The following LRRC69 variants were observed in gnomAD, a reference collection of about 807,000 sequenced individuals.
LRRC69 encodes the protein leucine rich repeat containing 69.
In LRRC69, 42 loss-of-function variants were observed where a neutral mutation model predicts 37.8. The ratio of observed to expected loss-of-function variants is 1.11; its 90% CI spans 0.87 to 1.44. LRRC69 has a LOEUF of 1.44. Among genes scored for constraint, LRRC69 ranks in the 40% most tolerant of loss-of-function variants. LRRC69 has a pLI of 0.00. For synonymous variants in LRRC69, 141 were observed against 143.1 expected (o/e 0.99, Z 0.11); for missense variants, 357 against 401.9 (o/e 0.89, Z 0.96).
chr8:91,148,910 A>C (rs569072326), intron 5 of LRRC69, among the ~76,000 whole-genome samples: 1 of 151,672 alleles, frequency 6.6e-6, no homozygotes, highest in South Asian at 2.1e-4. Context: ...CATATCGTTC[A>C]CCCACTTTTT....
intron 1 of LRRC69, among the ~76,000 whole-genome samples, chr8:91,105,882 G>T (rs1813303890): frequency 6.6e-6 from 1 of 151,920 alleles, no homozygotes; most frequent in African/African-American, 2.4e-5. Context: ...ACTCAGAACT[G>T]GTGATTCAGT....
intron 5 of LRRC69, among the ~76,000 whole-genome samples, chr8:91,186,104 A>T (rs527621898): frequency 9.2e-5 from 14 of 152,278 alleles, no homozygotes; most frequent in Admixed American, 2.6e-4. Flanking sequence ...GCCTTCGCAA[A>T]TCTTGAGTGC....
In LRRC69 at chr8:91,206,417, T is replaced by G. The variant is rs146986670; in HGVS notation, c.933+5625T>G. Among the ~76,000 whole-genome samples the G allele has an allele frequency of 2.5e-3, 378 of 152,330 alleles. 1 individual carries two copies. Among genetic ancestry groups the G allele is most frequent in the Non-Finnish European group, 3.5e-3 (239 of 68,024 alleles). ...GGAAAATGAGGATAGAAATGTATGT[T>G]GGTCCTCAAGATGGGAGTAAATATG... On this transcript the variant is annotated intron_variant, in intron 7 of 7. Coordinates refer to ENST00000448384, the Ensembl canonical transcript of LRRC69.
intron 5 of LRRC69, among the ~76,000 whole-genome samples, chr8:91,185,351 C>G (rs924989421): frequency 1.5e-5 from 2 of 134,188 alleles, no homozygotes; most frequent in African/African-American, 5.5e-5. Flanking sequence ...GTCTGTCTCT[C>G]TCTCTCTCTA....
chr8:91,158,262 T>C, intron 5 of LRRC69: 1 of 1,551,064 alleles, frequency 6.4e-7, no homozygotes, highest in Non-Finnish European at 8.9e-7. Flanking sequence ...ATTGGCCCCC[T>C]GATTGTTTGT....
chr8:91,155,681 C>G (rs1336924818), intron 5 of LRRC69, among the ~76,000 whole-genome samples: 1 of 150,742 alleles, frequency 6.6e-6, no homozygotes, highest in Non-Finnish European at 1.5e-5. Context: ...CTATTCTACT[C>G]TCTACTTCTA....
chr8:91,173,241 C>T (rs1387412831), intron 5 of LRRC69, among the ~76,000 whole-genome samples: 1 of 151,844 alleles, frequency 6.6e-6, no homozygotes, highest in Admixed American at 6.6e-5. Flanking sequence ...GTCTATTGTT[C>T]CCTGATCCCA....
chr8:91,116,951 C>T (rs1477204354), intron 1 of LRRC69, among the ~76,000 whole-genome samples: 1 of 152,066 alleles, frequency 6.6e-6, no homozygotes, highest in Non-Finnish European at 1.5e-5. Context: ...CATTGAGATG[C>T]TTGCCTCATA....
intron 5 of LRRC69, among the ~76,000 whole-genome samples, chr8:91,159,737 G>T (rs1197623875): frequency 6.6e-6 from 1 of 151,124 alleles, no homozygotes; most frequent in Admixed American, 6.6e-5. Flanking sequence ...CAAAGAAAAT[G>T]AGGTTTGAAA....
chr8:91,111,384 A>G (rs918946529), intron 1 of LRRC69, among the ~76,000 whole-genome samples: 39 of 152,028 alleles, frequency 2.6e-4, no homozygotes, highest in African/African-American at 8.9e-4. Flanking sequence ...AATACAAAAA[A>G]TTAGTTGGGC....
intron 5 of LRRC69, among the ~76,000 whole-genome samples, chr8:91,150,249 G>A (rs1166006162): frequency 6.6e-6 from 1 of 151,900 alleles, no homozygotes; most frequent in Non-Finnish European, 1.5e-5. Flanking sequence ...ATTATTTTGA[G>A]ATACATCCCA....
In LRRC69 at chr8:91,125,315, G is replaced by A. The variant is rs1298016556; in HGVS notation, c.310+696G>A. Among the ~76,000 whole-genome samples, 4 of 151,728 alleles carry A rather than the reference G, an allele frequency of 2.6e-5. No individual in the cohort carries two copies. In the East Asian group the frequency reaches 7.7e-4, roughly 29 times the overall value. On this transcript the variant is annotated intron_variant, in intron 2 of 7. Transcript: ENST00000448384. The stretch of plus-strand genomic sequence containing the variant: ...TTCTATGAACTTTTGAGGCATGGGT[G>A]CTATATATAATCATTGTCATCTTCA...
intron 5 of LRRC69, among the ~76,000 whole-genome samples, chr8:91,166,363 G>T (rs1809026878): frequency 6.6e-6 from 1 of 151,506 alleles, no homozygotes; most frequent in Non-Finnish European, 1.5e-5. Context: ...AATTGTGCTA[G>T]AAGGTGGTAT....
At chr8:91,111,265 T>C (rs1813406211) in intron 1 of LRRC69, among the ~76,000 whole-genome samples, 1 of 152,096 alleles carries the variant, frequency 6.6e-6, no homozygotes, top group South Asian at 2.1e-4. Context: ...CCAGGCACAG[T>C]GGCTCATGCC....
At chr8:91,189,759 A>T in intron 6 of LRRC69, 136 bp downstream of exon 6, 1 of 500,426 alleles carries the variant, frequency 2.0e-6, no homozygotes. Flanking sequence ...TGTGGATCCT[A>T]TACATAATCT....
At chr8:91,113,910 T>C (rs1813456931) in intron 1 of LRRC69, among the ~76,000 whole-genome samples, 1 of 125,596 alleles carries the variant, frequency 8.0e-6, no homozygotes, top group Non-Finnish European at 1.6e-5. Context: ...AAGGGGCCAA[T>C]AGGAGGATCA....
intron 5 of LRRC69, among the ~76,000 whole-genome samples, chr8:91,143,810 C>A (rs1586243213): frequency 1.3e-5 from 2 of 151,884 alleles, no homozygotes; most frequent in African/African-American, 4.8e-5. Flanking sequence ...ATGGAAGCAA[C>A]TTTCCCAGAA....
At chr8:91,203,933 C>T (rs1434769094) in intron 7 of LRRC69, among the ~76,000 whole-genome samples, 3 of 151,182 alleles carry the variant, frequency 2.0e-5, no homozygotes, top group African/African-American at 7.3e-5. Flanking sequence ...TCCTGGCTAA[C>T]ACAGTGAAAC....
intron 5 of LRRC69, among the ~76,000 whole-genome samples, chr8:91,173,092 A>G (rs1809162248): frequency 1.3e-5 from 2 of 151,950 alleles, no homozygotes. Context: ...TGTTCAAAGC[A>G]CATCTCCTAA....
Sources: gnomAD v4.1 joint callset for allele counts (sites outside exome capture counted in the v4.1 genomes callset) on GRCh38, gnomAD v4.1.1 for gene constraint, MANE v1.5 for transcripts, NCBI Gene and HGNC (gene_info 2026-07-23, HGNC 2026-07-21) for gene names.